Variants in ATP2B4 observed in about 807,000 individuals in gnomAD.
The protein encoded by ATP2B4 is plasma membrane calcium-transporting ATPase 4.
Under a neutral mutation model 110.3 loss-of-function variants are expected in ATP2B4, and 39 were observed. The observed-to-expected ratio is 0.35, with a 90% confidence interval of 0.27 to 0.46. The LOEUF is 0.46. ATP2B4 is among the 20% of genes least tolerant of loss of function. The pLI, the probability that ATP2B4 is intolerant of heterozygous loss-of-function variation, is 1.00. For missense variants in ATP2B4, 1,135 were observed against 1,530.9 expected, an observed-to-expected ratio of 0.74 and a Z score of 4.32; for synonymous variants, 538 against 571.7, an observed-to-expected ratio of 0.94 and a Z score of 0.84.
intron 8 of ATP2B4, 48 bp from the exon 9 acceptor site, chr1:203,706,961 T>G: frequency 6.5e-7 from 1 of 1,549,906 alleles, no homozygotes; most frequent in Non-Finnish European, 8.9e-7. Flanking sequence ...GCTAGGGCCC[T>G]AGGACTGCCC....
At chr1:203,735,002 C>CAAAAAAAAAAAAAAAAAA (rs35552196) in intron 20 of ATP2B4, among the ~76,000 whole-genome samples, 2 of 57,132 alleles carry the variant, frequency 3.5e-5, no homozygotes, top group Non-Finnish European at 3.0e-5. Flanking sequence ...GACTCCATCT[C>CAAAAAAAAAAAAAAAAAA]AAAAAAAAAA....
intron 12 of ATP2B4, 46 bp from the exon 13 acceptor site, chr1:203,711,914 G>A (rs1666019326): frequency 1.3e-6 from 2 of 1,592,678 alleles, no homozygotes; most frequent in South Asian, 1.1e-5. Context: ...GCTTACCAGG[G>A]TCATCACCCT....
chr1:203,647,818 C>T (rs901080428), intron 1 of ATP2B4, among the ~76,000 whole-genome samples: 2 of 152,094 alleles, frequency 1.3e-5, no homozygotes, highest in African/African-American at 2.4e-5. Flanking sequence ...TGGCCATAGC[C>T]TTTGCTTTGG....
chr1:203,627,130 G>A lies in ATP2B4; in HGVS notation c.-554G>A, dbSNP rs1663113777. On this transcript the variant is annotated 5_prime_UTR_variant, in exon 1 of 21. Transcript: ENST00000357681. ...GCTTGGTTGCCACACTGGGGAGACTGGTGGGTGGTCACCCCACCCTACCCT... is the reference window on the plus strand; with the variant it reads ...GCTTGGTTGCCACACTGGGGAGACTAGTGGGTGGTCACCCCACCCTACCCT... The A allele has an allele frequency of 6.6e-6, 1 of 152,284 alleles. No individual in the cohort carries two copies. Among genetic ancestry groups the A allele is most frequent in the Non-Finnish European group, 1.5e-5 (1 of 68,070 alleles). 9.4% of individuals were successfully genotyped at this position (152,284 alleles called of 1,614,324 possible).
At chr1:203,728,921 G>A (rs1323279707) in intron 20 of ATP2B4, among the ~76,000 whole-genome samples, 1 of 150,396 alleles carries the variant, frequency 6.6e-6, no homozygotes, top group East Asian at 2.0e-4. Flanking sequence ...GGAGGCCAAG[G>A]CAGGTGGATC....
At chr1:203,719,105 G>A (rs888038372) in intron 15 of ATP2B4, among the ~76,000 whole-genome samples, 9 of 151,336 alleles carry the variant, frequency 5.9e-5, no homozygotes, top group Admixed American at 2.0e-4. Context: ...CACACCTGTC[G>A]TCCCAGCTAC....
intron 2 of ATP2B4, among the ~76,000 whole-genome samples, chr1:203,684,173 A>G (rs1307747310): frequency 6.6e-6 from 1 of 152,120 alleles, no homozygotes; most frequent in African/African-American, 2.4e-5. Context: ...AAAAAAGTGA[A>G]TAAGTCCAGC....
At chr1:203,702,003 T>A (rs1665706244) in intron 6 of ATP2B4, 41 bp from the exon 7 acceptor site, 1 of 1,612,928 alleles carries the variant, frequency 6.2e-7, no homozygotes, top group Non-Finnish European at 8.5e-7. Context: ...TAATAGTTAC[T>A]TTGGGTTTCG....
At chr1:203,688,599 G>A (rs574876535) in intron 2 of ATP2B4, among the ~76,000 whole-genome samples, 1 of 152,242 alleles carries the variant, frequency 6.6e-6, no homozygotes, top group Admixed American at 6.5e-5. Context: ...CTCATGCGCA[G>A]CCTCAGCCCA....
At chr1:203,673,469 G>A (rs191408755) in intron 1 of ATP2B4, among the ~76,000 whole-genome samples, 1 of 152,312 alleles carries the variant, frequency 6.6e-6, no homozygotes, top group East Asian at 1.9e-4. Context: ...GGTTATTAGC[G>A]ATCATTCCTG....
intron 12 of ATP2B4, among the ~76,000 whole-genome samples, 190 bp downstream of exon 12, chr1:203,711,298 C>T (rs1156496121): frequency 6.6e-6 from 1 of 152,140 alleles, no homozygotes; most frequent in Non-Finnish European, 1.5e-5. Flanking sequence ...CTAATGCTGT[C>T]TGAGTGTTGA....
chr1:203,651,498 C>A (rs1329591288), intron 1 of ATP2B4, among the ~76,000 whole-genome samples: 5 of 152,212 alleles, frequency 3.3e-5, no homozygotes, highest in Non-Finnish European at 7.3e-5. Flanking sequence ...CATCACCCAG[C>A]CAAACCACTG....
Position 203,728,485 on chromosome 1 carries a change from G to GT in ATP2B4, c.3309+915dup, listed in dbSNP as rs1431435554. Reference sequence around the variant, plus strand: ...CAAGGGTGGTCTCCAGAAAACAGGCGTATTTCTCTCTGCTGATTGGCTAGA... The same window carrying GT: ...CAAGGGTGGTCTCCAGAAAACAGGCGTTATTTCTCTCTGCTGATTGGCTAGA... On this transcript the variant is annotated intron_variant, in intron 20 of 20. Transcript: ENST00000357681. Among the ~76,000 whole-genome samples, 3 of 152,218 alleles carry GT rather than the reference G, an allele frequency of 2.0e-5. No homozygotes were observed. In the East Asian group the frequency reaches 5.8e-4, roughly 29 times the overall value.
intron 2 of ATP2B4, among the ~76,000 whole-genome samples, chr1:203,691,686 A>G (rs935133488): frequency 6.6e-6 from 1 of 152,132 alleles, no homozygotes; most frequent in Non-Finnish European, 1.5e-5. Flanking sequence ...GAAGTCTAGC[A>G]GATAGGGAGC....
chr1:203,643,772 A>G (rs1663704850), intron 1 of ATP2B4, among the ~76,000 whole-genome samples: 1 of 152,216 alleles, frequency 6.6e-6, no homozygotes. Context: ...CTGAGAGTTC[A>G]TGTGAACAGG....
In ATP2B4 at chr1:203,711,068, G is replaced by C. The variant is rs758113353; in HGVS notation, c.1991G>C (p.Cys664Ser). 8.7e-6 allele frequency: 14 copies of C among 1,614,052 alleles called. No individual in the cohort carries two copies. The highest frequency in any genetic ancestry group is 1.1e-5 in the Non-Finnish European group (13 of 1,180,024). Residue 664 changes from cysteine (C) to serine (S), a missense_variant, in exon 12 of 21, where the codon TGT (cysteine) becomes TCT (serine). By Grantham distance (112) the Cys-to-Ser change is moderately radical. Coordinates refer to ENST00000357681, the MANE Select transcript of ATP2B4 (RefSeq NM_001684.5). ...NENEILTELTCIAVVGIEDPV... is the reference protein window; with the variant it reads ...NENEILTELTSIAVVGIEDPV... ...AATGAGATCCTCACCGAACTGACCT[G>C]TATCGCGGTGGTGGGCATTGAGGAC...
chr1:203,650,548 C>T (rs1330691221), intron 1 of ATP2B4, among the ~76,000 whole-genome samples: 1 of 152,064 alleles, frequency 6.6e-6, no homozygotes, highest in Non-Finnish European at 1.5e-5. Context: ...CAGCTGCTTC[C>T]CGGGCCGCGC....
chr1:203,628,115 A>T (rs1663144467), intron 1 of ATP2B4, among the ~76,000 whole-genome samples: 1 of 152,190 alleles, frequency 6.6e-6, no homozygotes, highest in Admixed American at 6.5e-5. Context: ...GGCCACAGGC[A>T]TCTGTGGAAG....
At position 203,700,905 on chromosome 1, in the gene ATP2B4, G is replaced by T; in HGVS notation, c.883G>T (p.Gly295Trp). 1 of 1,613,204 alleles carries T rather than the reference G, an allele frequency of 6.2e-7. No individual in the cohort carries two copies. Among genetic ancestry groups the T allele is most frequent in the South Asian group, 1.1e-5 (1 of 91,038 alleles). The change falls in exon 6 of 21, where the codon GGG becomes TGG. Residue 295 changes from glycine (G) to tryptophan (W), a missense_variant. Physicochemically the swap from Gly to Trp is radical, Grantham distance 184 (BLOSUM62 -2). Transcript: ENST00000357681. ...TLLGVNEDDE[G>W]EKKKKGKKQG... ...CTTGGGGGTCAATGAGGATGACGAA[G>T]GGGAGAAAAAGAAGAAAGGTAAGGG...
Sources: gnomAD v4.1 joint callset for allele counts (sites outside exome capture counted in the v4.1 genomes callset) on GRCh38, gnomAD v4.1.1 for gene constraint, MANE v1.5 for transcripts, NCBI Gene and HGNC (gene_info 2026-07-23, HGNC 2026-07-21) for gene names.